Variants in GRXCR1 observed in about 807,000 individuals in gnomAD.
The protein encoded by GRXCR1 is glutaredoxin domain-containing cysteine-rich protein 1.
A neutral mutation model predicts 27.3 loss-of-function variants in GRXCR1; 27 were observed. The observed-to-expected ratio is 0.99, with a 90% CI of 0.73 to 1.37. The LOEUF is 1.37. Among genes scored for constraint, GRXCR1 ranks in the 40% most tolerant of loss-of-function variants. GRXCR1 has a pLI of 0.00. For synonymous variants in GRXCR1, 122 were observed against 131.1 expected, an observed-to-expected ratio of 0.93 and a Z score of 0.47; for missense variants, 379 against 354.4, an observed-to-expected ratio of 1.07 and a Z score of -0.56.
At chr4:43,028,477 G>T (rs910375227) in intron 3 of GRXCR1, among the ~76,000 whole-genome samples, 7 of 152,156 alleles carry the variant, frequency 4.6e-5, no homozygotes, top group South Asian at 2.1e-4. Flanking sequence ...GTCCCTGCAG[G>T]TCCTTACTGT....
intron 1 of GRXCR1, among the ~76,000 whole-genome samples, 171 bp downstream of exon 1, chr4:42,893,821 A>AT (rs1350110355): frequency 1.3e-5 from 2 of 152,146 alleles, no homozygotes; most frequent in East Asian, 3.9e-4. Flanking sequence ...AAACTGGGTC[A>AT]TTGTGCTTGG....
At chr4:42,919,860 T>C (rs1746969620) in intron 1 of GRXCR1, among the ~76,000 whole-genome samples, 1 of 152,200 alleles carries the variant, frequency 6.6e-6, no homozygotes, top group South Asian at 2.1e-4. Context: ...ATTATTGATT[T>C]GGAAATCTGT....
chr4:43,015,794 T>C (rs1234407896), intron 2 of GRXCR1, among the ~76,000 whole-genome samples: 2 of 151,382 alleles, frequency 1.3e-5, no homozygotes, highest in African/African-American at 4.8e-5. Flanking sequence ...TATATGTATA[T>C]ATGTGCATTC....
intron 2 of GRXCR1, among the ~76,000 whole-genome samples, chr4:42,986,976 A>G (rs1711745429): frequency 6.7e-6 from 1 of 148,736 alleles, no homozygotes; most frequent in African/African-American, 2.5e-5. Flanking sequence ...CCTGCCATCT[A>G]GGCTCAAAAT....
At chr4:42,998,716 A>G (rs1712255529) in intron 2 of GRXCR1, among the ~76,000 whole-genome samples, 2 of 152,188 alleles carry the variant, frequency 1.3e-5, no homozygotes, top group South Asian at 2.1e-4. Flanking sequence ...TGACTTTTCC[A>G]TAAGGCAGAG....
Position 42,909,381 on chromosome 4 carries a change from G to A in GRXCR1, c.384+15731G>A, listed in dbSNP as rs373815589. ...CCCATACCCCGAAGTTAGTTTACCC[G>A]CACATCTCTGGAAGTGGGGATACTA... On this transcript the variant is annotated intron_variant, in intron 1 of 3. Coordinates refer to ENST00000399770, the MANE Select transcript of GRXCR1 (RefSeq NM_001080476.3). Among the ~76,000 whole-genome samples the A allele has an allele frequency of 8.5e-5, 13 of 152,208 alleles. No homozygotes were observed. The South Asian group carries it at 2.1e-3, about 24-fold the overall frequency.
At chr4:43,006,110 A>G (rs576929244) in intron 2 of GRXCR1, among the ~76,000 whole-genome samples, 12 of 152,174 alleles carry the variant, frequency 7.9e-5, no homozygotes, top group Non-Finnish European at 1.5e-4. Context: ...CACTTCCCCA[A>G]TCAATACTCT....
At chr4:43,023,949 T>C (rs1341697597) in intron 3 of GRXCR1, among the ~76,000 whole-genome samples, 1 of 152,088 alleles carries the variant, frequency 6.6e-6, no homozygotes, top group Non-Finnish European at 1.5e-5. Flanking sequence ...AGCAACGAAG[T>C]GTCTAAGGAG....
At chr4:43,028,014 C>G (rs982143543) in intron 3 of GRXCR1, among the ~76,000 whole-genome samples, 2 of 151,812 alleles carry the variant, frequency 1.3e-5, no homozygotes, top group African/African-American at 4.8e-5. Flanking sequence ...GAGGCTGAGG[C>G]AGGAGAATCA....
chr4:42,945,048 T>C (rs6834773), intron 1 of GRXCR1, among the ~76,000 whole-genome samples: 98,004 of 151,926 alleles, frequency 0.65, 32,165 homozygotes, highest in African/African-American at 0.76. Context: ...TCACTCTTCC[T>C]TTATGAATGA....
intron 1 of GRXCR1, among the ~76,000 whole-genome samples, chr4:42,896,432 A>G (rs1049131571): frequency 2.2e-5 from 3 of 137,424 alleles, no homozygotes; most frequent in Non-Finnish European, 5.1e-5. Context: ...ACCAGGAGGC[A>G]AAAAGCAGAA....
intron 2 of GRXCR1, among the ~76,000 whole-genome samples, chr4:43,016,210 C>T (rs1271176116): frequency 6.6e-6 from 1 of 152,180 alleles, no homozygotes; most frequent in Non-Finnish European, 1.5e-5. Context: ...GGCATCAACC[C>T]AAACTGCTAT....
chr4:42,981,489 G>A (rs774469590), intron 2 of GRXCR1, among the ~76,000 whole-genome samples: 12 of 152,128 alleles, frequency 7.9e-5, no homozygotes, highest in South Asian at 4.2e-4. Flanking sequence ...CCACCATTAC[G>A]GTATTAGAAT....
intron 3 of GRXCR1, among the ~76,000 whole-genome samples, chr4:43,025,836 C>T (rs1404093208): frequency 6.6e-6 from 1 of 152,002 alleles, no homozygotes; most frequent in Non-Finnish European, 1.5e-5. Context: ...ATTAGCCGGG[C>T]AGGGTGGTGG....
intron 3 of GRXCR1, among the ~76,000 whole-genome samples, chr4:43,022,288 C>G (rs1365906498): frequency 6.6e-6 from 1 of 152,014 alleles, no homozygotes; most frequent in East Asian, 1.9e-4. Context: ...GGATGAATAT[C>G]CTTAATTGCT....
chr4:42,953,503 G>T (rs1039128321), intron 1 of GRXCR1, among the ~76,000 whole-genome samples: 1 of 152,168 alleles, frequency 6.6e-6, no homozygotes, highest in African/African-American at 2.4e-5. Context: ...TGAGTGAAAG[G>T]TTCTTCACAT....
chr4:42,935,863 CG>C (rs1747444661), intron 1 of GRXCR1, among the ~76,000 whole-genome samples: 1 of 151,866 alleles, frequency 6.6e-6, no homozygotes, highest in African/African-American at 2.4e-5. Flanking sequence ...AATGACCATA[CG>C]AAGTGAGATA....
At chr4:42,975,456 AT>A (rs1748492920) in intron 2 of GRXCR1, among the ~76,000 whole-genome samples, 1 of 152,086 alleles carries the variant, frequency 6.6e-6, no homozygotes, top group Admixed American at 6.6e-5. Context: ...CAGCCCAATG[AT>A]TAATTAATAG....
chr4:42,931,361 G>C (rs1012704214), intron 1 of GRXCR1, among the ~76,000 whole-genome samples: 2 of 151,964 alleles, frequency 1.3e-5, no homozygotes, highest in Non-Finnish European at 2.9e-5. Context: ...AGGGATTGGG[G>C]TATATGGGAC....
Sources: allele counts gnomAD v4.1 joint callset (sites outside exome capture counted in the v4.1 genomes callset), GRCh38; gene constraint gnomAD v4.1.1; transcripts MANE v1.5; gene names NCBI Gene and HGNC (gene_info 2026-07-23, HGNC 2026-07-21).